The following GRIA4 variants were observed in gnomAD, a reference collection of about 807,000 sequenced individuals.
GRIA4 encodes glutamate ionotropic receptor AMPA type subunit 4.
GRIA4 carries 34 observed loss-of-function variants against 104.0 expected under a neutral mutation model. The ratio of observed to expected loss-of-function variants is 0.33; its 90% CI spans 0.25 to 0.44. GRIA4 has a LOEUF of 0.44. GRIA4 is among the 20% of genes least tolerant of loss of function. The pLI is 1.00. For synonymous variants in GRIA4, 386 were observed against 381.9 expected, an observed-to-expected ratio of 1.01 and a Z score of -0.13; for missense variants, 750 against 1,096.5, an observed-to-expected ratio of 0.68 and a Z score of 4.46.
At chr11:105,773,702 T>C (rs1941320292) in intron 4 of GRIA4, among the ~76,000 whole-genome samples, 1 of 152,102 alleles carries the variant, frequency 6.6e-6, no homozygotes, top group African/African-American at 2.4e-5. Flanking sequence ...TTCAGCAACC[T>C]GGCTTGTGAG....
chr11:105,634,142 T>C (rs1317970448), intron 3 of GRIA4, among the ~76,000 whole-genome samples: 2 of 150,948 alleles, frequency 1.3e-5, no homozygotes, highest in Admixed American at 1.3e-4. Flanking sequence ...AGGTCAGGAG[T>C]TCAGGACAAG....
chr11:105,906,909 GTGGACAATGCTAAATGCTAACAGA>G (rs1205960769), intron 9 of GRIA4, among the ~76,000 whole-genome samples: 2 of 152,214 alleles, frequency 1.3e-5, no homozygotes, highest in Non-Finnish European at 2.9e-5. Context: ...ATGTTAACAG[GTGGACAATGCTAAATGCTAACAGA>G]TGGACAAAGG....
At chr11:105,910,232 C>T (rs1336289244) in intron 9 of GRIA4, among the ~76,000 whole-genome samples, 2 of 151,948 alleles carry the variant, frequency 1.3e-5, no homozygotes, top group African/African-American at 2.4e-5. Flanking sequence ...AAACATGTAA[C>T]AAGACAGGAT....
chr11:105,703,515 C>A (rs1953581017), intron 3 of GRIA4, among the ~76,000 whole-genome samples: 1 of 152,014 alleles, frequency 6.6e-6, no homozygotes, highest in Non-Finnish European at 1.5e-5. Flanking sequence ...AGGTGAAGTA[C>A]AAAATACAAT....
intron 4 of GRIA4, among the ~76,000 whole-genome samples, chr11:105,770,688 T>C (rs1343931801): frequency 6.6e-6 from 1 of 152,070 alleles, no homozygotes; most frequent in East Asian, 1.9e-4. Context: ...ACAATTCTTC[T>C]ACCTATCCCT....
intron 11 of GRIA4, among the ~76,000 whole-genome samples, chr11:105,920,234 T>G (rs879429738): frequency 6.6e-6 from 1 of 152,140 alleles, no homozygotes; most frequent in African/African-American, 2.4e-5. Flanking sequence ...GTTTAAAAAA[T>G]AGCAAAATGT....
At chr11:105,859,147 CAATAT>C (rs1375673312) in intron 4 of GRIA4, among the ~76,000 whole-genome samples, 1 of 152,090 alleles carries the variant, frequency 6.6e-6, no homozygotes, top group Admixed American at 6.6e-5. Flanking sequence ...ATCCTAGTTA[CAATAT>C]ATTTCCAGCT....
At chr11:105,876,325 T>C (rs1444926475) in intron 5 of GRIA4, among the ~76,000 whole-genome samples, 3 of 152,178 alleles carry the variant, frequency 2.0e-5, no homozygotes, top group Non-Finnish European at 2.9e-5. Context: ...GGGAGTACTT[T>C]ACTTACAGTT....
At chr11:105,727,494 C>G (rs761447078) in intron 3 of GRIA4, among the ~76,000 whole-genome samples, 1 of 152,054 alleles carries the variant, frequency 6.6e-6, no homozygotes, top group Non-Finnish European at 1.5e-5. Flanking sequence ...CATAGCAAGA[C>G]AGGCCAACAT....
intron 10 of GRIA4, among the ~76,000 whole-genome samples, chr11:105,915,846 T>C (rs1190810285): frequency 6.6e-6 from 1 of 152,168 alleles, no homozygotes; most frequent in Non-Finnish European, 1.5e-5. Context: ...TAATTGCACA[T>C]ATTCTGATAA....
At chr11:105,744,963 A>G (rs1939553135) in intron 3 of GRIA4, among the ~76,000 whole-genome samples, 1 of 152,058 alleles carries the variant, frequency 6.6e-6, no homozygotes, top group South Asian at 2.1e-4. Context: ...TTCTGTTTCT[A>G]TGGATACAGT....
At chr11:105,751,591 T>C (rs1225507984) in intron 3 of GRIA4, among the ~76,000 whole-genome samples, 1 of 152,190 alleles carries the variant, frequency 6.6e-6, no homozygotes, top group Non-Finnish European at 1.5e-5. Context: ...TCTTCTTTGA[T>C]AGAATTTCTT....
intron 14 of GRIA4, among the ~76,000 whole-genome samples, chr11:105,967,081 T>C (rs1295127618): frequency 3.9e-5 from 6 of 152,184 alleles, no homozygotes. Flanking sequence ...CTAGCATTCT[T>C]TCATGCAAAT....
intron 3 of GRIA4, among the ~76,000 whole-genome samples, chr11:105,628,707 C>A (rs772640715): frequency 2.6e-5 from 4 of 152,086 alleles, no homozygotes; most frequent in Non-Finnish European, 5.9e-5. Flanking sequence ...AGTGTGAGAA[C>A]AGAATAATGC....
chr11:105,768,315 A>G (rs1941048108), intron 4 of GRIA4, among the ~76,000 whole-genome samples: 1 of 151,930 alleles, frequency 6.6e-6, no homozygotes, highest in Non-Finnish European at 1.5e-5. Context: ...AAAAAAAAAC[A>G]TCTGTGTATG....
intron 14 of GRIA4, among the ~76,000 whole-genome samples, chr11:105,948,490 T>A (rs1210565072): frequency 2.0e-5 from 3 of 151,742 alleles, no homozygotes; most frequent in African/African-American, 7.2e-5. Context: ...GTAATAAATG[T>A]AATTTTTAAT....
chr11:105,678,514 AT>A (rs1282723380), intron 3 of GRIA4, among the ~76,000 whole-genome samples: 7 of 152,094 alleles, frequency 4.6e-5, no homozygotes, highest in African/African-American at 1.2e-4. Flanking sequence ...AATGAAATAC[AT>A]TTTTTGACAC....
chr11:105,813,026 G>A (rs910311732), intron 4 of GRIA4, among the ~76,000 whole-genome samples: 3 of 149,418 alleles, frequency 2.0e-5, no homozygotes, highest in Admixed American at 1.3e-4. Flanking sequence ...CCTGGGAGGC[G>A]GAGCTTGCAG....
At chr11:105,912,431 C>T in intron 10 of GRIA4, 1 of 957,930 alleles carries the variant, frequency 1.0e-6, no homozygotes, top group Non-Finnish European at 1.2e-6. Context: ...AACCAAAATA[C>T]TGAATTAATT....
Sources: allele counts gnomAD v4.1 joint callset (sites outside exome capture counted in the v4.1 genomes callset), GRCh38; gene constraint gnomAD v4.1.1; transcripts MANE v1.5; gene names NCBI Gene and HGNC (gene_info 2026-07-23, HGNC 2026-07-21).